Variants in ZCWPW1 observed in about 807,000 individuals in gnomAD.
ZCWPW1 encodes zinc finger CW-type PWWP domain protein 1.
Under a neutral mutation model 81.3 loss-of-function variants are expected in ZCWPW1, and 56 were observed. The ratio of observed to expected loss-of-function variants is 0.69; its 90% CI spans 0.56 to 0.86. The LOEUF is 0.86. Among genes scored for constraint, ZCWPW1 ranks in the 40% least tolerant of loss-of-function variants. The pLI, the probability that ZCWPW1 is intolerant of heterozygous loss-of-function variation, is 0.00. For synonymous variants in ZCWPW1, 250 were observed against 273.7 expected (o/e 0.91, Z 0.86); for missense variants, 650 against 769.8 (o/e 0.84, Z 1.84).
rs1431267765 is a variant in ZCWPW1, at chr7:100,403,574, A to C, written c.1413+120T>G. The C allele has an allele frequency of 1.1e-5, 8 of 753,144 alleles. No homozygotes were observed. The East Asian group carries it at 3.1e-4, about 29-fold the overall frequency. The allele number at this position is 753,144 out of a possible 1,614,324, so 46.7% of individuals were successfully genotyped here. A position where few individuals can be genotyped will look rare whatever the true frequency, so the allele number is the denominator to read the frequency against. On this transcript the variant is annotated intron_variant, in intron 15 of 17. Coordinates refer to ENST00000684423, the MANE Select transcript of ZCWPW1 (RefSeq NM_001386010.1). ...TGTGGTGGCTCATGCCTGTAATCCCAGCACTTTGGAAGGCTGAGGTGGGAG... is the reference window on the plus strand; with the variant it reads ...TGTGGTGGCTCATGCCTGTAATCCCCGCACTTTGGAAGGCTGAGGTGGGAG...
At chr7:100,403,659 A>T in intron 15 of ZCWPW1, 35 bp downstream of exon 15, 1 of 1,553,328 alleles carries the variant, frequency 6.4e-7, no homozygotes, top group Non-Finnish European at 8.7e-7. Flanking sequence ...CTCCATCTCT[A>T]TAAAAATAAA....
rs1795372056 is a variant in ZCWPW1, at chr7:100,416,975, A to AT, written c.479+90dup. On this transcript the variant is annotated intron_variant, in intron 6 of 17. Transcript: ENST00000684423. Reference sequence around the variant, plus strand: ...AAAAAAAAAAAAAGAAATATGATAAATGACCAGATAGACAGACAGATAGAT... The same window carrying AT: ...AAAAAAAAAAAAAGAAATATGATAAATTGACCAGATAGACAGACAGATAGAT... 8 of 1,001,846 alleles carry AT rather than the reference A, an allele frequency of 8.0e-6. No homozygotes were observed. In the East Asian group the frequency reaches 2.0e-4, roughly 24 times the overall value. 62.1% of individuals were successfully genotyped at this position (1,001,846 alleles called of 1,614,324 possible). A position where few individuals can be genotyped will look rare whatever the true frequency, so the allele number is the denominator to read the frequency against.
chr7:100,423,843 T>C (rs954370546), intron 2 of ZCWPW1, among the ~76,000 whole-genome samples: 1 of 151,750 alleles, frequency 6.6e-6, no homozygotes, highest in Admixed American at 6.6e-5. Flanking sequence ...CTGAAGCGAG[T>C]GGATCACCTG....
At chr7:100,403,915 G>A in intron 14 of ZCWPW1, 130 bp from the exon 15 acceptor site, 1 of 1,052,056 alleles carries the variant, frequency 9.5e-7, no homozygotes. Flanking sequence ...TCCATAAAAT[G>A]TGATCCCAGA....
chr7:100,407,444 G>A, intron 10 of ZCWPW1, 141 bp from the exon 11 acceptor site: 1 of 716,070 alleles, frequency 1.4e-6, no homozygotes, highest in Non-Finnish European at 2.3e-6. Context: ...CCAGGCTGGA[G>A]TGCAGTGTTA....
At chr7:100,419,053 C>A in intron 5 of ZCWPW1, 58 bp downstream of exon 5, 2 of 1,406,346 alleles carry the variant, frequency 1.4e-6, no homozygotes, top group Non-Finnish European at 2.0e-6. Context: ...TTAACTCTCC[C>A]TCTCAGGTAA....
At chr7:100,403,277 G>A (rs533211669) in intron 15 of ZCWPW1, among the ~76,000 whole-genome samples, 22 of 150,732 alleles carry the variant, frequency 1.5e-4, no homozygotes, top group Admixed American at 1.1e-3. Context: ...GTGCAGTGGC[G>A]CGATCTTGCC....
intron 9 of ZCWPW1, 22 bp downstream of exon 9, chr7:100,409,406 A>G (rs2130565611): frequency 6.4e-7 from 1 of 1,556,320 alleles, no homozygotes; most frequent in East Asian, 2.2e-5. Context: ...ACATGAATGA[A>G]AACATTTCCA....
At chr7:100,426,134 A>G (rs1467896188) in intron 1 of ZCWPW1, among the ~76,000 whole-genome samples, 1 of 152,220 alleles carries the variant, frequency 6.6e-6, no homozygotes, top group Admixed American at 6.5e-5. Flanking sequence ...TTGGTCTAAG[A>G]GAAGTAAACC....
rs768959785 is a variant in ZCWPW1, at chr7:100,401,217, G to T, written c.1747C>A (p.Pro583Thr). 2 of 1,614,088 alleles carry T rather than the reference G, an allele frequency of 1.2e-6. No homozygotes were observed. Among genetic ancestry groups the T allele is most frequent in the Admixed American group, 3.3e-5 (2 of 60,008 alleles). The change falls in exon 18 of 18, where the codon CCC becomes ACC. Residue 583 changes from proline to threonine, a missense_variant. Transcript: ENST00000684423. ...LGLSACKGAC[P>T]SSAKEEPRHR... ...CTGGGCTCTTCTTTCGCAGATGAGGGGCAGGCCCCCTTACACGCTGATAGG... is the reference window on the plus strand; with the variant it reads ...CTGGGCTCTTCTTTCGCAGATGAGGTGCAGGCCCCCTTACACGCTGATAGG...
At chr7:100,425,978 A>G (rs1246304094) in intron 1 of ZCWPW1, among the ~76,000 whole-genome samples, 2 of 152,208 alleles carry the variant, frequency 1.3e-5, no homozygotes, top group East Asian at 3.8e-4. Context: ...TTGAGAACTG[A>G]CCTAGTGAAA....
intron 2 of ZCWPW1, among the ~76,000 whole-genome samples, chr7:100,423,572 T>C (rs1264404332): frequency 6.6e-6 from 1 of 152,176 alleles, no homozygotes; most frequent in Non-Finnish European, 1.5e-5. Context: ...CTTCTATAAA[T>C]GTGAATAATT....
intron 15 of ZCWPW1, among the ~76,000 whole-genome samples, chr7:100,403,092 A>G (rs1178559400): frequency 6.6e-6 from 1 of 152,134 alleles, no homozygotes; most frequent in Non-Finnish European, 1.5e-5. Flanking sequence ...AAACCCCCAA[A>G]TATCTGACAA....
At chr7:100,401,821 G>T in intron 17 of ZCWPW1, 68 bp downstream of exon 17, 2 of 1,521,678 alleles carry the variant, frequency 1.3e-6, no homozygotes, top group South Asian at 1.3e-5. Flanking sequence ...GTTAAGAAAT[G>T]ATTCAGGGAG....
chr7:100,404,920 C>T (rs2130420969), intron 13 of ZCWPW1, 93 bp downstream of exon 13: 1 of 1,301,112 alleles, frequency 7.7e-7, no homozygotes, highest in East Asian at 2.4e-5. Context: ...GTAGGATGGC[C>T]CCTAGCACAA....
chr7:100,417,316 A>C (rs1795465798), intron 5 of ZCWPW1, 133 bp from the exon 6 acceptor site: 6 of 605,876 alleles, frequency 9.9e-6, no homozygotes, highest in Non-Finnish European at 1.4e-5. Context: ...CAGAACTTTA[A>C]ATATTTAAAT....
intron 8 of ZCWPW1, among the ~76,000 whole-genome samples, chr7:100,410,025 T>C (rs1408151503): frequency 6.6e-6 from 1 of 152,188 alleles, no homozygotes. Context: ...AATCACCAAG[T>C]TGCAAACTTT....
chr7:100,414,370 T>C (rs1200520052), intron 8 of ZCWPW1, among the ~76,000 whole-genome samples: 1 of 152,212 alleles, frequency 6.6e-6, no homozygotes, highest in East Asian at 1.9e-4. Context: ...TGTTTTGTTT[T>C]GGGGTTTTTG....
At position 100,419,848 on chromosome 7, in the gene ZCWPW1, G is replaced by T. The variant is rs1304097306; in HGVS notation, c.64C>A (p.Pro22Thr). The change falls in exon 4 of 18, where the codon CCT becomes ACT. Residue 22 changes from proline to threonine, a missense_variant. Physicochemically the swap from Pro to Thr is conservative, Grantham distance 38. Transcript: ENST00000684423. ...AACAGGCTGTAAGATTTTTGTGCAG[G>T]TGGGGCAAAGATTCTCTTTGGTCCC... is the stretch of plus-strand genomic sequence containing the variant. ...GKGPKRIFAP[P>T]AQKSYSLLPC... The T allele has an allele frequency of 1.3e-6, 2 of 1,588,418 alleles. No individual in the cohort carries two copies. Among genetic ancestry groups the T allele is most frequent in the East Asian group, 2.2e-5 (1 of 44,720 alleles).
Sources: gnomAD v4.1 joint callset for allele counts (sites outside exome capture counted in the v4.1 genomes callset) on GRCh38, gnomAD v4.1.1 for gene constraint, MANE v1.5 for transcripts, NCBI Gene and HGNC (gene_info 2026-07-23, HGNC 2026-07-21) for gene names.